ABCA3: variants seen among roughly 807,000 people sequenced by gnomAD.
ABCA3 encodes ATP binding cassette subfamily A member 3.
A neutral mutation model predicts 172.8 loss-of-function variants in ABCA3; 88 were observed. That is an observed-to-expected ratio of 0.51 (90% CI 0.43 to 0.61). The LOEUF (loss-of-function observed/expected upper bound fraction) is 0.61. ABCA3 is among the 20% of genes least tolerant of loss of function. The pLI is 0.00. For synonymous variants in ABCA3, 1,066 were observed against 983.8 expected (o/e 1.08, Z -1.56); for missense variants, 2,164 against 2,301.0 (o/e 0.94, Z 1.22).
At chr16:2,290,606 T>C (rs922259809) in intron 19 of ABCA3, among the ~76,000 whole-genome samples, 2 of 152,214 alleles carry the variant, frequency 1.3e-5, no homozygotes, top group African/African-American at 2.4e-5. Context: ...CTTTCTGTTA[T>C]GTTCATGCTT....
chr16:2,292,362 C>A lies in ABCA3; in HGVS notation c.2415-124G>T, dbSNP rs182594517. On this transcript the variant is annotated intron_variant, in intron 18 of 32. Transcript: ENST00000301732. Reference sequence around the variant, plus strand: ...CACCTGTAACCCCAGCACTTTGGGACGCCAAGGCGGGCGGATCACCTGAGA... The same window carrying A: ...CACCTGTAACCCCAGCACTTTGGGAAGCCAAGGCGGGCGGATCACCTGAGA... 7 of 760,606 alleles carry A rather than the reference C, an allele frequency of 9.2e-6. No individual in the cohort carries two copies. The African/African-American group carries it at 1.2e-4, about 13-fold the overall frequency. The allele number at this position is 760,606 out of a possible 1,614,324, so 47.1% of individuals were successfully genotyped here.
chr16:2,294,722 C>G (rs2141704631), intron 18 of ABCA3, among the ~76,000 whole-genome samples: 1 of 152,174 alleles, frequency 6.6e-6, no homozygotes, highest in Admixed American at 6.5e-5. Context: ...GTGGCTCATG[C>G]CTGACATCTT....
At chr16:2,292,289 A>T (rs1399675721) in intron 18 of ABCA3, 51 bp from the exon 19 acceptor site, 1 of 1,514,942 alleles carries the variant, frequency 6.6e-7, no homozygotes, top group South Asian at 1.1e-5. Context: ...CTTTCTAGAT[A>T]ATTTGTTCCT....
intron 12 of ABCA3, among the ~76,000 whole-genome samples, chr16:2,301,641 T>C (rs1369336449): frequency 6.9e-6 from 1 of 145,770 alleles, no homozygotes; most frequent in East Asian, 2.0e-4. Flanking sequence ...ACCTGGGAGG[T>C]GAAGGGTGCA....
At position 2,279,249 on chromosome 16, in the gene ABCA3, G is replaced by A. The variant is rs2093651530; in HGVS notation, c.4360-119C>T. The A allele has an allele frequency of 8.9e-6, 11 of 1,237,576 alleles. No individual in the cohort carries two copies. In the South Asian group the frequency reaches 1.0e-4, roughly 12 times the overall value. 76.7% of individuals were successfully genotyped at this position (1,237,576 alleles called of 1,614,324 possible). ...CTGCGCCTGTCTGTGGTTCCTGCCA[G>A]TGTGTGTACACGGGGGCGCTGGAGC... On this transcript the variant is annotated intron_variant, in intron 28 of 32. Coordinates refer to ENST00000301732, the MANE Select transcript of ABCA3 (RefSeq NM_001089.3). This position sits in a 1 kb window ranked among gnomAD's most constrained non-coding sequence, Gnocchi z 4.4.
Position 2,286,968 on chromosome 16 carries a change from CT to C in ABCA3, c.3005-2del. Reference sequence around the variant, plus strand: ...AAGATCAAGAACTCCTCCAGGTCACCTGGGGAGCAATGGCAGAGTCAGGGGA... The same window carrying C: ...AAGATCAAGAACTCCTCCAGGTCACCGGGGAGCAATGGCAGAGTCAGGGGA... On this transcript the variant is annotated splice_acceptor_variant, in intron 21 of 32. Transcript: ENST00000301732. LOFTEE classifies it high-confidence loss of function. This position sits in a 1 kb window ranked among gnomAD's most constrained non-coding sequence, Gnocchi z 5.2. The C allele has an allele frequency of 6.2e-7, 1 of 1,612,578 alleles. No individual in the cohort carries two copies. The highest frequency in any genetic ancestry group is 8.5e-7 in the Non-Finnish European group (1 of 1,179,586).
chr16:2,314,223 G>A (rs577455447), intron 10 of ABCA3, among the ~76,000 whole-genome samples: 154 of 151,806 alleles, frequency 1.0e-3, no homozygotes, highest in Middle Eastern at 3.4e-3. Flanking sequence ...GCATCCAAGA[G>A]TCTGTCAATG....
intron 11 of ABCA3, among the ~76,000 whole-genome samples, chr16:2,304,404 C>T (rs1048216863): frequency 6.6e-6 from 1 of 151,706 alleles, no homozygotes; most frequent in Non-Finnish European, 1.5e-5. Flanking sequence ...TGCATTTAAT[C>T]TGTGACATAT....
At position 2,287,567 on chromosome 16, in the gene ABCA3, T is replaced by C. The variant is rs1323309225; in HGVS notation, c.3004+459A>G. ...TAGTGGGATGACAGGTGTGAGCTAC[T>C]GTGCCTGGCCAAGAACTGTGAGTTT... On this transcript the variant is annotated intron_variant, in intron 21 of 32. Transcript: ENST00000301732. This position sits in a 1 kb window ranked among gnomAD's most constrained non-coding sequence, Gnocchi z 4.1. Among the ~76,000 whole-genome samples, 5 of 152,224 alleles carry C rather than the reference T, an allele frequency of 3.3e-5. No individual in the cohort carries two copies. Among genetic ancestry groups the C allele is most frequent in the Non-Finnish European group, 7.3e-5 (5 of 68,042 alleles).
Position 2,297,938 on chromosome 16 carries a change from C to A in ABCA3, c.1897-17G>T, listed in dbSNP as rs45566134. On this transcript the variant is annotated splice_polypyrimidine_tract_variant and intron_variant, in intron 15 of 32. Transcript: ENST00000301732. The surrounding 1 kb of genome is among the most constrained non-coding windows in gnomAD (Gnocchi z 5.6). The stretch of plus-strand genomic sequence containing the variant: ...GCCCTTCAGCTGCAACGACAGGGGA[C>A]GCAGGGAGATGCAGGGCTCCTGGCG... 2 of 1,613,068 alleles carry A rather than the reference C, an allele frequency of 1.2e-6. No individual in the cohort carries two copies. Among genetic ancestry groups the A allele is most frequent in the African/African-American group, 2.7e-5 (2 of 74,902 alleles).
chr16:2,338,334 G>A (rs2093755048), intron 1 of ABCA3, among the ~76,000 whole-genome samples: 2 of 152,186 alleles, frequency 1.3e-5, no homozygotes, highest in African/African-American at 4.8e-5. Flanking sequence ...TGTTTTGTCT[G>A]CCTAGAATAT....
Position 2,278,202 on chromosome 16 carries a change from G to A in ABCA3, c.4718+86C>T. On this transcript the variant is annotated intron_variant, in intron 30 of 32. Coordinates refer to ENST00000301732, the MANE Select transcript of ABCA3 (RefSeq NM_001089.3). The surrounding 1 kb of genome is among the most constrained non-coding windows in gnomAD (Gnocchi z 4.4). Reference sequence around the variant, plus strand: ...TGGCTCACGGGCAGACTCTGCACCAGATGCTGATGGGTCTCCTGGCCACCT... The same window carrying A: ...TGGCTCACGGGCAGACTCTGCACCAAATGCTGATGGGTCTCCTGGCCACCT... 1.3e-6 allele frequency: 2 copies of A among 1,598,572 alleles called. No individual in the cohort carries two copies. The highest frequency in any genetic ancestry group is 1.1e-5 in the South Asian group (1 of 90,892).
chr16:2,297,943 G>A lies in ABCA3; in HGVS notation c.1897-22C>T. The A allele has an allele frequency of 1.9e-6, 3 of 1,612,942 alleles. No homozygotes were observed. The highest frequency in any genetic ancestry group is 2.2e-5 in the South Asian group (2 of 91,020). On this transcript the variant is annotated intron_variant, in intron 15 of 32. Transcript: ENST00000301732. This position sits in a 1 kb window ranked among gnomAD's most constrained non-coding sequence, Gnocchi z 5.6. ...TCAGCTGCAACGACAGGGGACGCAG[G>A]GAGATGCAGGGCTCCTGGCGGGAGG...
intron 1 of ABCA3, among the ~76,000 whole-genome samples, chr16:2,330,199 G>A (rs2093740838): frequency 6.6e-6 from 1 of 151,158 alleles, no homozygotes; most frequent in African/African-American, 2.4e-5. Context: ...AGGCTGAGGT[G>A]GGAGGATTGC....
intron 11 of ABCA3, among the ~76,000 whole-genome samples, chr16:2,307,275 G>A (rs532625303): frequency 6.6e-6 from 1 of 152,100 alleles, no homozygotes; most frequent in African/African-American, 2.4e-5. Context: ...TCGAAACCCA[G>A]CCAGCCTCAG....
chr16:2,290,001 A>ACACC (rs770697754), intron 19 of ABCA3, among the ~76,000 whole-genome samples: 11 of 137,118 alleles, frequency 8.0e-5, no homozygotes, highest in South Asian at 2.5e-4. Context: ...ACACACACAC[A>ACACC]CCCCTTCCTA....
chr16:2,332,738 T>C, intron 1 of ABCA3: 1 of 1,131,042 alleles, frequency 8.8e-7, no homozygotes, highest in Non-Finnish European at 1.3e-6. Context: ...GATTGCCTCC[T>C]CCATTTCTTT....
In ABCA3 at chr16:2,278,992, G is replaced by T; in HGVS notation, c.4498C>A (p.Arg1500=). ...HIGACVENTL[R]GLLLEPHANK... The stretch of plus-strand genomic sequence containing the variant: ...GCATGTGGCTCCAGCAGCAGGCCCC[G>T]CAGAGTGTTCTCCACGCAGGCCCCG... Residue 1500 remains arginine, a synonymous_variant, in exon 29 of 33, where the codon CGG becomes AGG. Coordinates refer to ENST00000301732, the MANE Select transcript of ABCA3 (RefSeq NM_001089.3). The surrounding 1 kb of genome is among the most constrained non-coding windows in gnomAD (Gnocchi z 4.4). The T allele has an allele frequency of 1.2e-6, 2 of 1,613,516 alleles. No individual in the cohort carries two copies. The highest frequency in any genetic ancestry group is 1.7e-6 in the Non-Finnish European group (2 of 1,180,030).
In ABCA3 at chr16:2,328,686, C is replaced by T. The variant is rs1344005674; in HGVS notation, c.-260G>A. Reference sequence around the variant, plus strand: ...GGAGTCCTTCCCGCTCAGCGTCCTTCATGTGCGGAAAAGCCTCCTTGACTC... The same window carrying T: ...GGAGTCCTTCCCGCTCAGCGTCCTTTATGTGCGGAAAAGCCTCCTTGACTC... On this transcript the variant is annotated 5_prime_UTR_variant, in exon 3 of 33. It removes an upstream start codon present in the reference 5' UTR. Coordinates refer to ENST00000301732, the MANE Select transcript of ABCA3 (RefSeq NM_001089.3). 2.6e-6 allele frequency: 1 copy of T among 386,072 alleles called. No individual in the cohort carries two copies. The highest frequency in any genetic ancestry group is 5.2e-6 in the Non-Finnish European group (1 of 190,504). 23.9% of individuals were successfully genotyped at this position (386,072 alleles called of 1,614,324 possible).
Sources: gnomAD v4.1 joint callset for allele counts (sites outside exome capture counted in the v4.1 genomes callset) on GRCh38, gnomAD v4.1.1 for gene constraint, Gnocchi (gnomAD v3.1) non-coding constraint, MANE v1.5 for transcripts, NCBI Gene and HGNC (gene_info 2026-07-23, HGNC 2026-07-21) for gene names.